C17orf113: variants seen among roughly 807,000 people sequenced by gnomAD.
C17orf113 encodes chromosome 17 open reading frame 113.
Under a neutral mutation model 11.6 loss-of-function variants are expected in C17orf113, and 5 were observed. The observed-to-expected ratio is 0.43, with a 90% CI of 0.23 to 0.91. The LOEUF is 0.91. Ranked by LOEUF, C17orf113 falls within the 40% of genes least tolerant of loss-of-function variation. The pLI, the probability that C17orf113 is intolerant of heterozygous loss-of-function variation, is 0.26. For missense variants in C17orf113, 714 were observed against 841.3 expected, an observed-to-expected ratio of 0.85 and a Z score of 1.87; for synonymous variants, 327 against 390.6, an observed-to-expected ratio of 0.84 and a Z score of 1.92.
At position 42,041,101 on chromosome 17, in the gene C17orf113, T is replaced by C; in HGVS notation, c.632A>G (p.Asp211Gly). 2 of 1,232,260 alleles carry C rather than the reference T, an allele frequency of 1.6e-6. No individual in the cohort carries two copies. The highest frequency in any genetic ancestry group is 2.0e-6 in the Non-Finnish European group (2 of 988,040). The allele number at this position is 1,232,260 out of a possible 1,614,324, so 76.3% of individuals were successfully genotyped here. A position where few individuals can be genotyped will look rare whatever the true frequency, so the allele number is the denominator to read the frequency against. The change falls in exon 3 of 3, where the codon GAC (aspartate) becomes GGC (glycine). Residue 211 changes from aspartate to glycine, a missense_variant. Asp to Gly is a moderately conservative substitution (Grantham distance 94). Transcript: ENST00000587304. ...GGCCAGGCTGTGTGACTCCGGCCAG[T>C]CTCTGGTCTCGTCCAACACCAGCCC... ...YVGLVLDETR[D>G]WPESHSLALF...
Position 42,040,301 on chromosome 17 carries a change from C to T in C17orf113, c.1432G>A (p.Gly478Ser), listed in dbSNP as rs2052984984. ...CCCCGGACCGCAGCCTCGGAGTAAC[C>T]GAGCAGCTCCACGCCGCGGTAGGTG... ...RCTYRGVELL[G>S]YSEAAVRGLE... is the part of the protein sequence containing the mutation. Residue 478 changes from glycine to serine, a missense_variant, in exon 3 of 3, where the codon GGT (glycine) becomes AGT (serine). Transcript: ENST00000587304. 14 of 1,231,706 alleles carry T rather than the reference C, an allele frequency of 1.1e-5. No individual in the cohort carries two copies. The highest frequency in any genetic ancestry group is 1.3e-5 in the Non-Finnish European group (13 of 987,906). 76.3% of individuals were successfully genotyped at this position (1,231,706 alleles called of 1,614,324 possible). A position where few individuals can be genotyped will look rare whatever the true frequency, so the allele number is the denominator to read the frequency against.
In C17orf113 at chr17:42,043,087, G is replaced by A. The variant is rs1382348268; in HGVS notation, c.290C>T (p.Pro97Leu). The A allele has an allele frequency of 1.6e-6, 2 of 1,232,126 alleles. No individual in the cohort carries two copies. Among genetic ancestry groups the A allele is most frequent in the African/African-American group, 3.1e-5 (2 of 64,434 alleles). The allele number at this position is 1,232,126 out of a possible 1,614,324, so 76.3% of individuals were successfully genotyped here. Residue 97 changes from proline (P) to leucine (L), a missense_variant, in exon 2 of 3, where the codon CCT (proline) becomes CTT (leucine). By Grantham distance (98) the Pro-to-Leu change is moderately conservative (BLOSUM62 -3). This residue lies in a region of C17orf113 where 516 missense variants were observed against 626.6 expected (regional missense o/e 0.82). Coordinates refer to ENST00000587304, the MANE Select transcript of C17orf113 (RefSeq NM_001358661.2). ...QALAVNQGQP[P>L]FEGQAEGGGA... ...TCCACCTTCAGCCTGGCCCTCAAAA[G>A]GGGGCTGGCCCTGGTTGACAGCCAG... is the stretch of plus-strand genomic sequence containing the variant.
chr17:42,042,738 C>G, intron 2 of C17orf113, 96 bp downstream of exon 2: 1 of 939,364 alleles, frequency 1.1e-6, no homozygotes, highest in African/African-American at 1.7e-5. Flanking sequence ...AATGCCCTAG[C>G]TGCTCCCCAA....
Position 42,040,239 on chromosome 17 carries a change from C to T in C17orf113, c.1494G>A (p.Met498Ile). The change falls in exon 3 of 3, where the codon ATG (methionine) becomes ATA (isoleucine). Residue 498 changes from methionine (M) to isoleucine (I), a missense_variant. Around this residue, in one of 3 missense-constraint regions of C17orf113, gnomAD observed 516 missense variants for 626.6 expected, o/e 0.82. Transcript: ENST00000587304. ...EWLRGSFLDS[M>I]RKGLQDSYPG... ...GGTAGGAGTCCTGTAGGCCCTTCCG[C>T]ATGGAGTCCAGGAAGGATCCCCGGA... is the stretch of plus-strand genomic sequence containing the variant. 8.1e-7 allele frequency: 1 copy of T among 1,231,584 alleles called. No individual in the cohort carries two copies. 76.3% of individuals were successfully genotyped at this position (1,231,584 alleles called of 1,614,324 possible). A position where few individuals can be genotyped will look rare whatever the true frequency, so the allele number is the denominator to read the frequency against.
chr17:42,040,638 G>C lies in C17orf113; in HGVS notation c.1095C>G (p.Ala365=). The stretch of plus-strand genomic sequence containing the variant: ...TGGGCACCAGGCCAGGCCAGGCCTC[G>C]GCCACTGCTTCCACTACAGGCAGCA... The part of the protein sequence containing the change: ...ASLLPVVEAV[A]EAWPGLVPTL... The change falls in exon 3 of 3, where the codon GCC becomes GCG. Residue 365 remains alanine, a synonymous_variant. Transcript: ENST00000587304. 8.1e-7 allele frequency: 1 copy of C among 1,232,336 alleles called. No individual in the cohort carries two copies. Among genetic ancestry groups the C allele is most frequent in the Non-Finnish European group, 1.0e-6 (1 of 988,080 alleles). 76.3% of individuals were successfully genotyped at this position (1,232,336 alleles called of 1,614,324 possible).
rs969419967 is a variant in C17orf113 at position 42,040,812 on chromosome 17, C to T, written c.921G>A (p.Pro307=). 4.1e-6 allele frequency: 5 copies of T among 1,232,148 alleles called. No individual in the cohort carries two copies. The highest frequency in any genetic ancestry group is 6.3e-5 in the East Asian group (2 of 31,726). The allele number at this position is 1,232,148 out of a possible 1,614,324, so 76.3% of individuals were successfully genotyped here. The change falls in exon 3 of 3, where the codon CCG becomes CCA. Residue 307 remains proline, a synonymous_variant. Coordinates refer to ENST00000587304, the MANE Select transcript of C17orf113 (RefSeq NM_001358661.2). ...CLPGRTDPEP[P]AYLGQYESIL... ...TGCTCTCATATTGACCCAAGTAGGC[C>T]GGGGGCTCAGGATCTGTCCGGCCAG...
Position 42,039,604 on chromosome 17 carries a change from G to A in C17orf113, c.*101C>T. On this transcript the variant is annotated 3_prime_UTR_variant, in exon 3 of 3. Coordinates refer to ENST00000587304, the MANE Select transcript of C17orf113 (RefSeq NM_001358661.2). ...GATGGCCTCAGGCCCCTGGGAGGCT[G>A]CAGTCAGCAGATCATCTTGGGTGCA... The A allele has an allele frequency of 9.2e-7, 1 of 1,091,828 alleles. No homozygotes were observed. The highest frequency in any genetic ancestry group is 1.2e-6 in the Non-Finnish European group (1 of 860,790). 67.6% of individuals were successfully genotyped at this position (1,091,828 alleles called of 1,614,324 possible).
rs2052974167 is a variant in C17orf113, at chr17:42,040,032, T to C, written c.1701A>G (p.Val567=). 4.9e-6 allele frequency: 6 copies of C among 1,231,014 alleles called. No homozygotes were observed. In the South Asian group the frequency reaches 1.2e-4, roughly 25 times the overall value. 76.3% of individuals were successfully genotyped at this position (1,231,014 alleles called of 1,614,324 possible). A position where few individuals can be genotyped will look rare whatever the true frequency, so the allele number is the denominator to read the frequency against. ...GGCCGAGCCGCCCAAGGCCGAATAC[T>C]ACGCGCTTAAACAGCGCGAAGTCGC... is the stretch of plus-strand genomic sequence containing the variant. ...ALGDFALFKR[V]VFGLGRLGPR... The change falls in exon 3 of 3, where the codon GTA becomes GTG. Residue 567 remains valine, a synonymous_variant. Coordinates refer to ENST00000587304, the MANE Select transcript of C17orf113 (RefSeq NM_001358661.2).
At chr17:42,044,121 C>T (rs1441407898) in intron 1 of C17orf113, among the ~76,000 whole-genome samples, 6 of 109,956 alleles carry the variant, frequency 5.5e-5, no homozygotes, top group South Asian at 5.9e-4. Context: ...GCCTGGGCAA[C>T]ATGGCAAAAC....
In C17orf113 at chr17:42,048,010, T is replaced by A. The variant is rs571078666; in HGVS notation, c.-188+2547A>T. On this transcript the variant is annotated intron_variant, in intron 1 of 2. Coordinates refer to ENST00000587304, the MANE Select transcript of C17orf113 (RefSeq NM_001358661.2). ...CACCACACCCTCCTTGGAATCCTCT[T>A]TTCTCTTGGCTTCTAGGATCCCATG... Among the ~76,000 whole-genome samples, 5 of 152,190 alleles carry A rather than the reference T, an allele frequency of 3.3e-5. No individual in the cohort carries two copies. The East Asian group carries it at 9.7e-4, about 30-fold the overall frequency.
Position 42,042,946 on chromosome 17 carries a change from G to C in C17orf113, c.431C>G (p.Pro144Arg). 1 of 1,232,478 alleles carries C rather than the reference G, an allele frequency of 8.1e-7. No homozygotes were observed. The highest frequency in any genetic ancestry group is 1.5e-5 in the African/African-American group (1 of 64,554). The allele number at this position is 1,232,478 out of a possible 1,614,324, so 76.3% of individuals were successfully genotyped here. Residue 144 changes from proline to arginine, a missense_variant, in exon 2 of 3, where the codon CCC becomes CGC. Transcript: ENST00000587304. Reference protein sequence around the residue: ...TVYCMAKEDVPNDRCSALLEL... With the variant: ...TVYCMAKEDVRNDRCSALLEL... ...GAGCAGGGCAGAGCAGCGGTCATTG[G>C]GCACATCCTCCTTTGCCATGCAGTA...
In C17orf113 at chr17:42,041,182, A is replaced by G; in HGVS notation, c.551T>C (p.Ile184Thr). 1 of 1,232,476 alleles carries G rather than the reference A, an allele frequency of 8.1e-7. No homozygotes were observed. Among genetic ancestry groups the G allele is most frequent in the South Asian group, 4.1e-5 (1 of 24,318 alleles). 76.3% of individuals were successfully genotyped at this position (1,232,476 alleles called of 1,614,324 possible). A position where few individuals can be genotyped will look rare whatever the true frequency, so the allele number is the denominator to read the frequency against. ...PRRVRDMQVA[I>T]ASVLHTEACQ... The stretch of plus-strand genomic sequence containing the variant: ...GGCCTCTGTGTGCAAGACACTGGCA[A>G]TGGCCACCTGGGACAGCCAGGGAAA... Residue 184 changes from isoleucine to threonine, a missense_variant, in exon 3 of 3, where the codon ATT becomes ACT. Ile to Thr is a moderately conservative substitution (Grantham distance 89). Around this residue, in one of 3 missense-constraint regions of C17orf113, gnomAD observed 516 missense variants for 626.6 expected, o/e 0.82. Transcript: ENST00000587304.
chr17:42,039,949 G>T lies in C17orf113; in HGVS notation c.1784C>A (p.Pro595His). 8.1e-7 allele frequency: 1 copy of T among 1,231,208 alleles called. No individual in the cohort carries two copies. Among genetic ancestry groups the T allele is most frequent in the Non-Finnish European group, 1.0e-6 (1 of 987,564 alleles). The allele number at this position is 1,231,208 out of a possible 1,614,324, so 76.3% of individuals were successfully genotyped here. Residue 595 changes from proline to histidine, a missense_variant, in exon 3 of 3, where the codon CCC (proline) becomes CAC (histidine). Around this residue, in one of 3 missense-constraint regions of C17orf113, gnomAD observed 194 missense variants for 197.2 expected, o/e 0.98. Transcript: ENST00000587304. ...CAHSELHELF[P>H]DFAALAALAL... is the part of the protein sequence containing the mutation. ...CAAGGCGGCTAGGGCGGCGAAGTCG[G>T]GGAAGAGCTCGTGCAGCTCCGAGTG...
rs35206698 is a variant in C17orf113 at position 42,044,140 on chromosome 17, TA to T, written c.-187-578del. 4.0e-3 allele frequency among the ~76,000 whole-genome samples: 332 copies of T among 83,592 alleles called. 1 individual carries two copies. Among genetic ancestry groups the T allele is most frequent in the African/African-American group, 0.015 (315 of 20,974 alleles). The allele number at this position is 83,592 out of a possible 152,430, so 54.8% of individuals were successfully genotyped here. ...GGGCAACATGGCAAAACCCCATCTC[TA>T]AAAAAAAAAAAAAAAAAAAAAATTA... is the stretch of plus-strand genomic sequence containing the variant. On this transcript the variant is annotated intron_variant, in intron 1 of 2. Transcript: ENST00000587304.
chr17:42,043,337 T>C lies in C17orf113; in HGVS notation c.40A>G (p.Asn14Asp). 1 of 1,232,254 alleles carries C rather than the reference T, an allele frequency of 8.1e-7. No individual in the cohort carries two copies. Among genetic ancestry groups the C allele is most frequent in the Non-Finnish European group, 1.0e-6 (1 of 988,024 alleles). The allele number at this position is 1,232,254 out of a possible 1,614,324, so 76.3% of individuals were successfully genotyped here. ...PGKKPAGEAS[N>D]SNKKCKRYFN... ...TAACGCTTACACTTCTTGTTGGAGT[T>C]GGAGGCCTCTCCCGCTGGTTTCTTC... The change falls in exon 2 of 3, where the codon AAC becomes GAC. Residue 14 changes from asparagine to aspartate, a missense_variant. Coordinates refer to ENST00000587304, the MANE Select transcript of C17orf113 (RefSeq NM_001358661.2).
chr17:42,043,485 G>A lies in C17orf113; in HGVS notation c.-109C>T. The A allele has an allele frequency of 9.8e-7, 1 of 1,018,040 alleles. No individual in the cohort carries two copies. The highest frequency in any genetic ancestry group is 1.3e-6 in the Non-Finnish European group (1 of 793,658). 63.1% of individuals were successfully genotyped at this position (1,018,040 alleles called of 1,614,324 possible). ...GACAAGGAGAGTTGATGGGGAGGCA[G>A]GCTGGGGGCAGCCCGCCAGGCTAAC... is the stretch of plus-strand genomic sequence containing the variant. On this transcript the variant is annotated 5_prime_UTR_variant, in exon 2 of 3. Coordinates refer to ENST00000587304, the MANE Select transcript of C17orf113 (RefSeq NM_001358661.2).
At position 42,040,481 on chromosome 17, in the gene C17orf113, G is replaced by C. The variant is rs2052990892; in HGVS notation, c.1252C>G (p.Leu418Val). The change falls in exon 3 of 3, where the codon CTG becomes GTG. Residue 418 changes from leucine (L) to valine (V), a missense_variant. Around this residue, in one of 3 missense-constraint regions of C17orf113, gnomAD observed 516 missense variants for 626.6 expected, o/e 0.82. Coordinates refer to ENST00000587304, the MANE Select transcript of C17orf113 (RefSeq NM_001358661.2). Reference protein sequence around the residue: ...LPSVQKLSLVLQAEEPDLALL... With the variant: ...LPSVQKLSLVVQAEEPDLALL... ...GCCAAGTCCGGCTCTTCTGCCTGCA[G>C]GACAAGGGAGAGCTTCTGCACAGAG... 5 of 1,232,364 alleles carry C rather than the reference G, an allele frequency of 4.1e-6. No individual in the cohort carries two copies. The East Asian group carries it at 1.6e-4, about 39-fold the overall frequency. The allele number at this position is 1,232,364 out of a possible 1,614,324, so 76.3% of individuals were successfully genotyped here.
At position 42,039,929 on chromosome 17, in the gene C17orf113, C is replaced by T; in HGVS notation, c.1804G>A (p.Ala602Thr). 3.2e-6 allele frequency: 4 copies of T among 1,231,206 alleles called. No individual in the cohort carries two copies. The highest frequency in any genetic ancestry group is 1.6e-5 in the African/African-American group (1 of 64,508). The allele number at this position is 1,231,206 out of a possible 1,614,324, so 76.3% of individuals were successfully genotyped here. Residue 602 changes from alanine to threonine, a missense_variant, in exon 3 of 3, where the codon GCC becomes ACC. Coordinates refer to ENST00000587304, the MANE Select transcript of C17orf113 (RefSeq NM_001358661.2). ...ELFPDFAALA[A>T]LALALPAGAG... ...CCCGCGGGCAGCGCCAAAGCCAAGG[C>T]GGCTAGGGCGGCGAAGTCGGGGAAG...
At chr17:42,043,815 G>T (rs1335758645) in intron 1 of C17orf113, among the ~76,000 whole-genome samples, 2 of 152,190 alleles carry the variant, frequency 1.3e-5, no homozygotes, top group Non-Finnish European at 2.9e-5. Flanking sequence ...GCACTAATTC[G>T]CTTTGACTGA....
Sources: gnomAD v4.1 joint callset for allele counts (sites outside exome capture counted in the v4.1 genomes callset) on GRCh38, gnomAD v4.1.1 for gene constraint, gnomAD v4.1.1 regional missense constraint, MANE v1.5 for transcripts, NCBI Gene and HGNC (gene_info 2026-07-23, HGNC 2026-07-21) for gene names.